Variants in GRIK2 observed in about 807,000 individuals in gnomAD.
GRIK2 encodes glutamate ionotropic receptor kainate type subunit 2.
GRIK2 carries 32 observed loss-of-function variants against 100.3 expected under a neutral mutation model. The observed-to-expected ratio is 0.32, with a 90% CI of 0.24 to 0.43. The LOEUF (loss-of-function observed/expected upper bound fraction) is 0.43. GRIK2 is among the 20% of genes least tolerant of loss of function. The pLI is 1.00. For synonymous variants in GRIK2, 417 were observed against 389.4 expected, an observed-to-expected ratio of 1.07 and a Z score of -0.83; for missense variants, 843 against 1,114.9, an observed-to-expected ratio of 0.76 and a Z score of 3.47.
chr6:102,060,219 T>A (rs1771678147), intron 16 of GRIK2, among the ~76,000 whole-genome samples: 1 of 150,860 alleles, frequency 6.6e-6, no homozygotes, highest in Admixed American at 6.6e-5. Context: ...TCTAAATAAT[T>A]ATATTTTTTT....
chr6:102,021,050 T>G (rs937587148), intron 14 of GRIK2, among the ~76,000 whole-genome samples: 2 of 151,884 alleles, frequency 1.3e-5, no homozygotes, highest in East Asian at 3.9e-4. Context: ...AACACTCATA[T>G]GGGAAGTAAA....
At chr6:101,516,819 C>T (rs1192355439) in intron 2 of GRIK2, among the ~76,000 whole-genome samples, 1 of 152,122 alleles carries the variant, frequency 6.6e-6, no homozygotes, top group Non-Finnish European at 1.5e-5. Flanking sequence ...ATCTGTTTAA[C>T]AAGTTGGCCT....
chr6:101,751,520 A>T lies in GRIK2; in HGVS notation c.952-48128A>T, dbSNP rs190982050. On this transcript the variant is annotated intron_variant, in intron 7 of 16. Coordinates refer to ENST00000369134, the MANE Select transcript of GRIK2 (RefSeq NM_021956.5). ...AACCATATATAACCAAAATACCAGAATACTACCTAAAATAAACTAATAACT... is the reference window on the plus strand; with the variant it reads ...AACCATATATAACCAAAATACCAGATTACTACCTAAAATAAACTAATAACT... 8.4e-3 allele frequency among the ~76,000 whole-genome samples: 1,272 copies of T among 152,326 alleles called. 10 individuals carry two copies. Among genetic ancestry groups the T allele is most frequent in the Non-Finnish European group, 0.014 (919 of 68,020 alleles).
At chr6:101,889,534 T>G in intron 11 of GRIK2, 106 bp from the exon 12 acceptor site, 1 of 644,202 alleles carries the variant, frequency 1.6e-6, no homozygotes, top group Non-Finnish European at 2.7e-6. Flanking sequence ...TGTAAAGCCT[T>G]TGTTTTATTT....
intron 2 of GRIK2, among the ~76,000 whole-genome samples, chr6:101,428,465 G>C (rs1421687171): frequency 6.6e-6 from 1 of 152,010 alleles, no homozygotes; most frequent in East Asian, 1.9e-4. Flanking sequence ...TAACATTTGT[G>C]ATATAATTTT....
At chr6:101,637,577 GC>G (rs1235684423) in intron 4 of GRIK2, among the ~76,000 whole-genome samples, 1 of 151,998 alleles carries the variant, frequency 6.6e-6, no homozygotes, top group Non-Finnish European at 1.5e-5. Context: ...ACAACGCCCT[GC>G]CTGCTACTCT....
intron 14 of GRIK2, among the ~76,000 whole-genome samples, chr6:101,932,957 T>A (rs1001994929): frequency 2.0e-5 from 3 of 151,974 alleles, no homozygotes; most frequent in Admixed American, 6.6e-5. Flanking sequence ...TCTTAACCTT[T>A]AAATGTGTCT....
chr6:101,934,734 ATAAG>A, intron 14 of GRIK2, among the ~76,000 whole-genome samples: 1 of 151,960 alleles, frequency 6.6e-6, no homozygotes. Flanking sequence ...TGGTGGTAAT[ATAAG>A]TATAATATAT....
At chr6:101,433,126 C>T (rs963822166) in intron 2 of GRIK2, among the ~76,000 whole-genome samples, 1 of 152,102 alleles carries the variant, frequency 6.6e-6, no homozygotes, top group Non-Finnish European at 1.5e-5. Context: ...CAGAAAATCC[C>T]AAGAGATTTT....
intron 4 of GRIK2, among the ~76,000 whole-genome samples, chr6:101,669,892 A>C (rs536702153): frequency 3.5e-4 from 53 of 152,252 alleles, no homozygotes; most frequent in Non-Finnish European, 6.9e-4. Flanking sequence ...GCAAAGGATT[A>C]AGAATGAAAA....
At chr6:101,585,158 A>G (rs1399245749) in intron 2 of GRIK2, among the ~76,000 whole-genome samples, 2 of 152,046 alleles carry the variant, frequency 1.3e-5, no homozygotes, top group African/African-American at 2.4e-5. Flanking sequence ...ATTTCCCCAA[A>G]ATAATCAACA....
intron 4 of GRIK2, among the ~76,000 whole-genome samples, chr6:101,651,961 A>G (rs1582895409): frequency 6.6e-6 from 1 of 152,158 alleles, no homozygotes; most frequent in East Asian, 1.9e-4. Flanking sequence ...AATGTGGGGT[A>G]CCCTGAAAGT....
At chr6:101,537,158 G>C (rs1053153878) in intron 2 of GRIK2, among the ~76,000 whole-genome samples, 32 of 151,602 alleles carry the variant, frequency 2.1e-4, no homozygotes, top group African/African-American at 6.8e-4. Context: ...GAGGACTCTT[G>C]GATCTCCTTG....
intron 14 of GRIK2, among the ~76,000 whole-genome samples, chr6:102,028,881 T>C (rs886855985): frequency 6.6e-6 from 1 of 151,194 alleles, no homozygotes; most frequent in African/African-American, 2.4e-5. Context: ...AAGAAAAATA[T>C]TTTAACTATT....
chr6:101,598,612 GA>G (rs1465842880), intron 2 of GRIK2, among the ~76,000 whole-genome samples: 2 of 113,002 alleles, frequency 1.8e-5, no homozygotes, highest in African/African-American at 6.4e-5. Context: ...AAAAAAAAAA[GA>G]AAGAAAAAAA....
intron 10 of GRIK2, among the ~76,000 whole-genome samples, chr6:101,845,881 C>T (rs76695892): frequency 0.033 from 4,979 of 152,018 alleles, 154 homozygotes; most frequent in South Asian, 0.14. Flanking sequence ...TATCTTACTG[C>T]GGTTTAGATT....
chr6:101,510,044 CATTT>C (rs1774221037), intron 2 of GRIK2, among the ~76,000 whole-genome samples: 1 of 152,050 alleles, frequency 6.6e-6, no homozygotes. Context: ...ATTTTTCTGT[CATTT>C]AAAGTATACT....
At chr6:101,945,998 A>G (rs865899573) in intron 14 of GRIK2, among the ~76,000 whole-genome samples, 1 of 151,230 alleles carries the variant, frequency 6.6e-6, no homozygotes, top group Non-Finnish European at 1.5e-5. Flanking sequence ...ATAATCTTTA[A>G]TCATGTTTAT....
chr6:101,522,605 C>T (rs1372732580), intron 2 of GRIK2, among the ~76,000 whole-genome samples: 1 of 151,972 alleles, frequency 6.6e-6, no homozygotes, highest in Admixed American at 6.6e-5. Flanking sequence ...TATAATTTGC[C>T]CAAGTATTCA....
Sources: gnomAD v4.1 joint callset for allele counts (sites outside exome capture counted in the v4.1 genomes callset) on GRCh38, gnomAD v4.1.1 for gene constraint, MANE v1.5 for transcripts, NCBI Gene and HGNC (gene_info 2026-07-23, HGNC 2026-07-21) for gene names.